The following SLC4A5 variants were observed in gnomAD, a reference collection of about 807,000 sequenced individuals.
SLC4A5 encodes the protein electrogenic sodium bicarbonate cotransporter 4.
SLC4A5 carries 96 observed loss-of-function variants against 120.4 expected under a neutral mutation model. The observed-to-expected ratio is 0.80, with a 90% CI of 0.68 to 0.94. The LOEUF (loss-of-function observed/expected upper bound fraction) is 0.94. Among genes scored for constraint, SLC4A5 ranks in the 40% least tolerant of loss-of-function variants. The pLI is 0.00. For synonymous variants in SLC4A5, 550 were observed against 571.1 expected, an observed-to-expected ratio of 0.96 and a Z score of 0.53; for missense variants, 1,259 against 1,459.5, an observed-to-expected ratio of 0.86 and a Z score of 2.24.
At chr2:74,225,420 AC>A (rs1694809078) in intron 27 of SLC4A5, among the ~76,000 whole-genome samples, 1 of 152,094 alleles carries the variant, frequency 6.6e-6, no homozygotes, top group Admixed American at 6.5e-5. Context: ...ACATGGTGAA[AC>A]CCTGTCCCTA....
chr2:74,250,650 C>T, intron 16 of SLC4A5, 133 bp from the exon 17 acceptor site: 2 of 1,070,754 alleles, frequency 1.9e-6, no homozygotes, highest in Non-Finnish European at 2.7e-6. Context: ...AAGATCTTTC[C>T]ACCAGAACAT....
intron 6 of SLC4A5, chr2:74,307,000 C>T (rs1672664403): frequency 5.1e-6 from 3 of 593,394 alleles, no homozygotes; most frequent in Admixed American, 2.1e-5. Context: ...AGCAGGATCC[C>T]ATTGAGCTGC....
At chr2:74,325,902 G>T (rs1030044092) in intron 5 of SLC4A5, among the ~76,000 whole-genome samples, 42 of 149,642 alleles carry the variant, frequency 2.8e-4, no homozygotes, top group Non-Finnish European at 5.2e-4. Context: ...GAAGGGAAGG[G>T]GAAAGGAAAG....
intron 8 of SLC4A5, among the ~76,000 whole-genome samples, chr2:74,276,071 T>C (rs1016155954): frequency 6.6e-6 from 1 of 152,072 alleles, no homozygotes; most frequent in Non-Finnish European, 1.5e-5. Context: ...TATGGCCAGC[T>C]AGCTAAGCAT....
rs1292255971 is a variant in SLC4A5, at chr2:74,255,903, G to C, written c.897C>G (p.Pro299=). 4 of 1,613,936 alleles carry C rather than the reference G, an allele frequency of 2.5e-6. No homozygotes were observed. The South Asian group carries it at 4.4e-5, about 18-fold the overall frequency. The change falls in exon 13 of 31, where the codon CCC becomes CCG. Residue 299 remains proline, a synonymous_variant. Coordinates refer to ENST00000394019, the Ensembl canonical transcript of SLC4A5. The surrounding 1 kb of genome is among the most constrained non-coding windows in gnomAD (Gnocchi z 4.0). ...GCACGTTGGACGCTTCTGAGTCCTT[G>C]GGGATCTTCTTCATGAATTTGTTTT...
chr2:74,283,235 T>G (rs1671869121), intron 8 of SLC4A5, among the ~76,000 whole-genome samples: 1 of 152,218 alleles, frequency 6.6e-6, no homozygotes, highest in Admixed American at 6.5e-5. Flanking sequence ...TTCAGCCACC[T>G]ACATGCTCTG....
chr2:74,241,040 T>C (rs1378658166), intron 20 of SLC4A5, among the ~76,000 whole-genome samples: 1 of 151,968 alleles, frequency 6.6e-6, no homozygotes, highest in Non-Finnish European at 1.5e-5. Context: ...CCCCAGAGAC[T>C]AAGGTGTGCA....
At chr2:74,257,266 C>T (rs1036339021) in intron 12 of SLC4A5, among the ~76,000 whole-genome samples, 1 of 152,034 alleles carries the variant, frequency 6.6e-6, no homozygotes, top group Non-Finnish European at 1.5e-5. Context: ...AATAACCCTC[C>T]ACAACCACCT....
intron 7 of SLC4A5, chr2:74,290,587 TGAGAGAGAGAGA>T: frequency 2.1e-6 from 2 of 936,388 alleles, no homozygotes; most frequent in Non-Finnish European, 2.5e-6. Flanking sequence ...ATTAAAGATC[TGAGAGAGAGAGA>T]GACAGAGAGA....
intron 20 of SLC4A5, among the ~76,000 whole-genome samples, chr2:74,241,715 C>T (rs2103952138): frequency 7.0e-6 from 1 of 143,738 alleles, no homozygotes; most frequent in South Asian, 2.2e-4. Flanking sequence ...GCTCTCCAGC[C>T]TGGGCAACAC....
chr2:74,268,084 T>C (rs1430142574), intron 8 of SLC4A5, among the ~76,000 whole-genome samples: 2 of 152,098 alleles, frequency 1.3e-5, no homozygotes, highest in Non-Finnish European at 2.9e-5. Flanking sequence ...CTCGAGTAAG[T>C]TACTTAATCT....
chr2:74,258,796 A>G (rs1247456244), intron 12 of SLC4A5, among the ~76,000 whole-genome samples: 1 of 152,138 alleles, frequency 6.6e-6, no homozygotes. Context: ...TTATTAATTT[A>G]TTTGTGCCCG....
chr2:74,276,837 T>G (rs1021502128), intron 8 of SLC4A5, among the ~76,000 whole-genome samples: 1 of 151,912 alleles, frequency 6.6e-6, no homozygotes, highest in East Asian at 1.9e-4. Flanking sequence ...CATGAAGAAT[T>G]TGGAATCGCT....
At chr2:74,231,449 G>T in intron 24 of SLC4A5, 141 bp from the exon 25 acceptor site, 1 of 690,426 alleles carries the variant, frequency 1.4e-6, no homozygotes, top group Non-Finnish European at 2.3e-6. Flanking sequence ...CTGCCTGGTT[G>T]CCTGAGGCCC....
intron 28 of SLC4A5, among the ~76,000 whole-genome samples, chr2:74,224,287 T>C (rs949212907): frequency 1.3e-5 from 2 of 152,162 alleles, no homozygotes. Flanking sequence ...GGGGCAACCA[T>C]GTTGTCCCAG....
At chr2:74,252,245 C>A in exon 16 of SLC4A5, 1 of 1,610,084 alleles carries the variant, frequency 6.2e-7, no homozygotes, top group Non-Finnish European at 8.5e-7. Flanking sequence ...ATCCCCGCTG[C>A]TTGTTCCGCC....
At chr2:74,327,673 T>C (rs1272186376) in intron 5 of SLC4A5, among the ~76,000 whole-genome samples, 1 of 152,216 alleles carries the variant, frequency 6.6e-6, no homozygotes, top group African/African-American at 2.4e-5. Context: ...TTAGCAGATA[T>C]AATTTATTTT....
intron 10 of SLC4A5, 95 bp downstream of exon 10, chr2:74,264,052 A>T: frequency 6.8e-7 from 1 of 1,464,286 alleles, no homozygotes; most frequent in Non-Finnish European, 9.1e-7. Flanking sequence ...GAATTTCTCC[A>T]GAAACTCCCA....
At chr2:74,264,186 G>T in exon 10 of SLC4A5, 1 of 1,614,192 alleles carries the variant, frequency 6.2e-7, no homozygotes, top group Non-Finnish European at 8.5e-7. Context: ...GCTAAGGAGC[G>T]GTGGATGGGC....
Sources: allele counts gnomAD v4.1 joint callset (sites outside exome capture counted in the v4.1 genomes callset), GRCh38; gene constraint gnomAD v4.1.1; non-coding constraint Gnocchi (gnomAD v3.1); transcripts MANE v1.5; gene names NCBI Gene and HGNC (gene_info 2026-07-23, HGNC 2026-07-21).